SPDYE5: variants seen among roughly 807,000 people sequenced by gnomAD.
SPDYE5 encodes the protein speedy/RINGO cell cycle regulator family member E5.
A neutral mutation model predicts 48.5 loss-of-function variants in SPDYE5; 15 were observed. The ratio of observed to expected loss-of-function variants is 0.31; its 90% CI spans 0.21 to 0.48. The LOEUF is 0.48. Ranked by LOEUF, SPDYE5 falls within the 20% of genes least tolerant of loss-of-function variation. The pLI is 0.99. For synonymous variants in SPDYE5, 116 were observed against 200.7 expected (o/e 0.58, Z 3.57); for missense variants, 331 against 549.1 (o/e 0.60, Z 3.97).
chr7:75,495,914 C>T (rs1792907148), intron 3 of SPDYE5, among the ~76,000 whole-genome samples: 1 of 151,588 alleles, frequency 6.6e-6, no homozygotes, highest in African/African-American at 2.4e-5. Flanking sequence ...CCTGTTATCC[C>T]AGCTACTCGG....
rs1183474621 is a variant in SPDYE5 at position 75,502,814 on chromosome 7, T to C, written c.*46-19T>C. The C allele has an allele frequency of 1.0e-6, 1 of 981,172 alleles. No individual in the cohort carries two copies. The highest frequency in any genetic ancestry group is 1.3e-6 in the Non-Finnish European group (1 of 750,278). 60.8% of individuals were successfully genotyped at this position (981,172 alleles called of 1,614,324 possible). ...AGAGCTGCCTCCTTGAAGTGTGACA[T>C]TGTCTCTCTCACTTCCAGAACACCG... On this transcript the variant is annotated intron_variant, in intron 8 of 8. Transcript: ENST00000625065.
chr7:75,501,571 C>T lies in SPDYE5; in HGVS notation c.965C>T (p.Pro322Leu), dbSNP rs201755312. Residue 322 changes from proline (P) to leucine (L), a missense_variant, in exon 7 of 9, where the codon CCG (proline) becomes CTG (leucine). This residue lies in a region of SPDYE5 where 5 missense variants were observed against 25.5 expected (regional missense o/e 0.20). Transcript: ENST00000625065. ...TTCCAGTTAGGCCGTTCCATGAACCCGAGGGCCAGGAAGAACCGCTCTCGC... is the reference window on the plus strand; with the variant it reads ...TTCCAGTTAGGCCGTTCCATGAACCTGAGGGCCAGGAAGAACCGCTCTCGC... ...RRFQLGRSMN[P>L]RARKNRSRIP... is the part of the protein sequence containing the mutation. The T allele has an allele frequency of 9.1e-5, 146 of 1,597,772 alleles. No individual in the cohort carries two copies. Among genetic ancestry groups the T allele is most frequent in the Middle Eastern group, 1.9e-4 (1 of 5,220 alleles).
chr7:75,491,808 G>A (rs1792746293), upstream of SPDYE5, among the ~76,000 whole-genome samples: 1 of 143,926 alleles, frequency 6.9e-6, no homozygotes, highest in Non-Finnish European at 1.5e-5. Context: ...TGCCTTCCAG[G>A]TTCAAGCGAT....
At chr7:75,500,148 C>A (rs1490363202) in intron 6 of SPDYE5, among the ~76,000 whole-genome samples, 1 of 131,530 alleles carries the variant, frequency 7.6e-6, no homozygotes, top group Non-Finnish European at 1.6e-5. Flanking sequence ...CCCACCTGAA[C>A]AACTTCCTTA....
Position 75,495,394 on chromosome 7 carries a change from A to G in SPDYE5, c.379+20A>G. The G allele has an allele frequency of 6.3e-7, 1 of 1,597,372 alleles. No individual in the cohort carries two copies. Among genetic ancestry groups the G allele is most frequent in the Non-Finnish European group, 8.5e-7 (1 of 1,179,784 alleles). On this transcript the variant is annotated intron_variant, in intron 3 of 8. Transcript: ENST00000625065. Reference sequence around the variant, plus strand: ...AGCTTGGTAGGAGGACACCCCAGAGAGCACCTCCAATCCTGTTCTTTCTAA... The same window carrying G: ...AGCTTGGTAGGAGGACACCCCAGAGGGCACCTCCAATCCTGTTCTTTCTAA...
Position 75,501,811 on chromosome 7 carries a change from C to G in SPDYE5, c.1149+56C>G, listed in dbSNP as rs1793171046. 2.4e-5 allele frequency: 38 copies of G among 1,612,098 alleles called. No individual in the cohort carries two copies. The South Asian group carries it at 4.1e-4, about 17-fold the overall frequency. On this transcript the variant is annotated intron_variant, in intron 7 of 8. Transcript: ENST00000625065. ...GGGGAGGAATCGGGTGGGCTGGAGG[C>G]TGGATGAGGGGAGAGAGGGGTATCC...
In SPDYE5 at chr7:75,501,386, G is replaced by C. The variant is rs782267772; in HGVS notation, c.780G>C (p.Glu260Asp). Residue 260 changes from glutamate (E) to aspartate (D), a missense_variant, in exon 7 of 9, where the codon GAG becomes GAC. Glu to Asp is a conservative substitution (Grantham distance 45). Coordinates refer to ENST00000625065, the MANE Select transcript of SPDYE5 (RefSeq NM_001306141.4). ...LALYLANDME[E>D]DDEDSKQNIF... ...GCTACCTGGCCAATGACATGGAGGAGGACGACGAGGACTCCAAACAAAACA... is the reference window on the plus strand; with the variant it reads ...GCTACCTGGCCAATGACATGGAGGACGACGACGAGGACTCCAAACAAAACA... 6 of 1,612,358 alleles carry C rather than the reference G, an allele frequency of 3.7e-6. No homozygotes were observed. In the East Asian group the frequency reaches 6.7e-5, roughly 18 times the overall value.
At position 75,493,906 on chromosome 7, in the gene SPDYE5, T is replaced by A. The variant is rs587733859; in HGVS notation, c.-142T>A. The A allele has an allele frequency of 6.8e-7, 1 of 1,472,646 alleles. No individual in the cohort carries two copies. Among genetic ancestry groups the A allele is most frequent in the East Asian group, 2.5e-5 (1 of 40,224 alleles). 91.2% of individuals were successfully genotyped at this position (1,472,646 alleles called of 1,614,324 possible). On this transcript the variant is annotated 5_prime_UTR_variant, in exon 2 of 9. It adds an upstream start codon to the 5' untranslated region. Transcript: ENST00000625065. ...ACATCAGAGATTCCGACCATCCTGA[T>A]TGGAGGGACCGGACTCCGTGGTGCC...
upstream of SPDYE5, among the ~76,000 whole-genome samples, chr7:75,491,930 G>A (rs1384775996): frequency 6.6e-6 from 1 of 151,706 alleles, no homozygotes; most frequent in Admixed American, 6.6e-5. Flanking sequence ...GGACAGGCTG[G>A]TCTCGAACTT....
At chr7:75,498,208 G>A (rs1418359086) in intron 5 of SPDYE5, among the ~76,000 whole-genome samples, 13 of 142,068 alleles carry the variant, frequency 9.2e-5, no homozygotes, top group Non-Finnish European at 1.8e-4. Context: ...CACTGCAGCC[G>A]ATGCCTCCCG....
chr7:75,496,322 G>C (rs1210679125), intron 3 of SPDYE5, among the ~76,000 whole-genome samples: 1 of 147,052 alleles, frequency 6.8e-6, no homozygotes, highest in Non-Finnish European at 1.5e-5. Context: ...AGGAGGCGGA[G>C]GTTGCAGTGA....
At chr7:75,499,006 A>C (rs1202113430) in intron 5 of SPDYE5, among the ~76,000 whole-genome samples, 16 of 146,944 alleles carry the variant, frequency 1.1e-4, no homozygotes, top group African/African-American at 3.9e-4. Context: ...ATCGGAGCCC[A>C]CCATCCTGGG....
chr7:75,500,946 G>A (rs1277927720), intron 6 of SPDYE5, among the ~76,000 whole-genome samples: 19 of 152,328 alleles, frequency 1.2e-4, no homozygotes, highest in Non-Finnish European at 1.5e-4. Context: ...GGTCTCAAGC[G>A]ATCCACCTGC....
rs1278652440 is a variant in SPDYE5, at chr7:75,501,402, A to G, written c.796A>G (p.Lys266Glu). The G allele has an allele frequency of 6.2e-7, 1 of 1,612,478 alleles. No homozygotes were observed. The highest frequency in any genetic ancestry group is 8.5e-7 in the Non-Finnish European group (1 of 1,180,006). ...NDMEEDDEDS[K>E]QNIFHFLYGK... ...CATGGAGGAGGACGACGAGGACTCC[A>G]AACAAAACATCTTCCACTTCCTGTA... Residue 266 changes from lysine (K) to glutamate (E), a missense_variant, in exon 7 of 9, where the codon AAA becomes GAA. Lys to Glu is a moderately conservative substitution (Grantham distance 56). Transcript: ENST00000625065.
intron 1 of SPDYE5, among the ~76,000 whole-genome samples, 200 bp downstream of exon 1, chr7:75,492,641 G>A (rs1379658963): frequency 6.6e-6 from 1 of 152,074 alleles, no homozygotes; most frequent in Non-Finnish European, 1.5e-5. Context: ...GTTTCACCAT[G>A]TTGTCCAAGC....
Position 75,500,704 on chromosome 7 carries a change from G to A in SPDYE5, c.756-658G>A, listed in dbSNP as rs1302004571. 2.0e-5 allele frequency among the ~76,000 whole-genome samples: 3 copies of A among 152,122 alleles called. No homozygotes were observed. In the East Asian group the frequency reaches 5.8e-4, roughly 29 times the overall value. Reference sequence around the variant, plus strand: ...CTGTGCCACCACACCTGGACTGTTTGTTTGTTTGTTTGTTTGATTATTGAG... The same window carrying A: ...CTGTGCCACCACACCTGGACTGTTTATTTGTTTGTTTGTTTGATTATTGAG... On this transcript the variant is annotated intron_variant, in intron 6 of 8. Coordinates refer to ENST00000625065, the MANE Select transcript of SPDYE5 (RefSeq NM_001306141.4).
rs1225613782 is a variant in SPDYE5 at position 75,504,034 on chromosome 7, T to C, written c.*1247T>C. On this transcript the variant is annotated 3_prime_UTR_variant, in exon 9 of 9. Coordinates refer to ENST00000625065, the MANE Select transcript of SPDYE5 (RefSeq NM_001306141.4). Reference sequence around the variant, plus strand: ...GTGTTGCTGAAGGGAGCATGGTTTTTATCTGTGATACTTAGTTAACATATA... The same window carrying C: ...GTGTTGCTGAAGGGAGCATGGTTTTCATCTGTGATACTTAGTTAACATATA... 6.6e-6 allele frequency: 1 copy of C among 152,080 alleles called. No homozygotes were observed. Among genetic ancestry groups the C allele is most frequent in the African/African-American group, 2.4e-5 (1 of 41,436 alleles). The allele number at this position is 152,080 out of a possible 1,614,324, so 9.4% of individuals were successfully genotyped here.
In SPDYE5 at chr7:75,502,971, C is replaced by A. The variant is rs587729313; in HGVS notation, c.*184C>A. 2.4e-4 allele frequency: 139 copies of A among 579,430 alleles called. No homozygotes were observed. In the African/African-American group the frequency reaches 2.7e-3, roughly 11 times the overall value. 35.9% of individuals were successfully genotyped at this position (579,430 alleles called of 1,614,324 possible). ...GGACCATTCTTGATGGAGCTGAATA[C>A]AGTGATCACGTTGTCCTCCTAGGAG... On this transcript the variant is annotated 3_prime_UTR_variant, in exon 9 of 9. Coordinates refer to ENST00000625065, the MANE Select transcript of SPDYE5 (RefSeq NM_001306141.4).
chr7:75,498,313 G>A (rs1223467715), intron 5 of SPDYE5, among the ~76,000 whole-genome samples: 17 of 151,884 alleles, frequency 1.1e-4, no homozygotes, highest in African/African-American at 4.1e-4. Context: ...TAGTAGAAAC[G>A]GGGTTTTGCC....
Sources: allele counts gnomAD v4.1 joint callset (sites outside exome capture counted in the v4.1 genomes callset), GRCh38; gene constraint gnomAD v4.1.1; regional missense constraint gnomAD v4.1.1; transcripts MANE v1.5; gene names NCBI Gene and HGNC (gene_info 2026-07-23, HGNC 2026-07-21).